SERINC3: variants seen among roughly 807,000 people sequenced by gnomAD.
SERINC3 encodes serine incorporator 3, also known as tumor differentially expressed protein 1.
In SERINC3, 22 loss-of-function variants were observed where a neutral mutation model predicts 52.1. The observed-to-expected ratio is 0.42, with a 90% CI of 0.30 to 0.60. The LOEUF is 0.60. SERINC3 is among the 20% of genes least tolerant of loss of function. The probability of loss-of-function intolerance (pLI) is 0.16; values close to 1 mark genes in which losing one functional copy is unlikely to be tolerated. For missense variants in SERINC3, 564 were observed against 584.6 expected (o/e 0.96, Z 0.36); for synonymous variants, 226 against 212.7 (o/e 1.06, Z -0.54).
downstream of SERINC3, among the ~76,000 whole-genome samples, chr20:44,497,033 G>A (rs1013056961): frequency 1.1e-4 from 16 of 152,106 alleles, no homozygotes; most frequent in African/African-American, 3.1e-4. Context: ...CGGCTTTAAC[G>A]AGGTAAAAGT....
chr20:44,505,612 C>T (rs761921796), intron 6 of SERINC3, among the ~76,000 whole-genome samples: 3 of 145,998 alleles, frequency 2.1e-5, no homozygotes, highest in Non-Finnish European at 4.5e-5. Context: ...TGAGCCATCA[C>T]GCCAAGCTGG....
intron 1 of SERINC3, among the ~76,000 whole-genome samples, chr20:44,517,031 G>A (rs1351619950): frequency 6.6e-6 from 1 of 152,096 alleles, no homozygotes; most frequent in Non-Finnish European, 1.5e-5. Context: ...TTTTATAGAT[G>A]GTATCTTGTG....
intron 1 of SERINC3, 29 bp downstream of exon 1, chr20:44,521,884 C>T: frequency 6.3e-7 from 1 of 1,598,704 alleles, no homozygotes; most frequent in Non-Finnish European, 8.5e-7. Context: ...AACCGCAGGT[C>T]CGGCGAGGAC....
rs528653387 is a variant in SERINC3 at position 44,502,034 on chromosome 20, G to C, written c.1056-734C>G. Among the ~76,000 whole-genome samples the C allele has an allele frequency of 2.0e-5, 3 of 152,288 alleles. No homozygotes were observed. In the South Asian group the frequency reaches 6.2e-4, roughly 32 times the overall value. ...CAGAGCTAACATCATACTTAACAGT[G>C]AAAGACTAAAAACTTTCCCCCTGAG... On this transcript the variant is annotated intron_variant, in intron 8 of 9. Transcript: ENST00000342374.
chr20:44,513,070 G>A (rs2064358709), intron 2 of SERINC3, 76 bp from the exon 3 acceptor site: 1 of 1,030,698 alleles, frequency 9.7e-7, no homozygotes, highest in African/African-American at 1.7e-5. Flanking sequence ...AGGAAAGCCT[G>A]GATTTAGAAA....
chr20:44,512,030 C>T (rs993917866), intron 3 of SERINC3, among the ~76,000 whole-genome samples: 9 of 152,074 alleles, frequency 5.9e-5, no homozygotes, highest in African/African-American at 1.9e-4. Context: ...ATTAGAAATA[C>T]GGCTGGGCAC....
chr20:44,502,622 T>A (rs1028873135), intron 8 of SERINC3, among the ~76,000 whole-genome samples: 3 of 151,744 alleles, frequency 2.0e-5, no homozygotes, highest in African/African-American at 4.8e-5. Context: ...ATCAATTGTA[T>A]TTCTTTTTGA....
Position 44,500,396 on chromosome 20 carries a change from G to A in SERINC3, c.1322C>T (p.Pro441Leu), listed in dbSNP as rs769296896. The A allele has an allele frequency of 3.8e-6, 6 of 1,588,040 alleles. No homozygotes were observed. The highest frequency in any genetic ancestry group is 4.5e-5 in the East Asian group (2 of 44,202). Residue 441 changes from proline to leucine, a missense_variant, in exon 10 of 10, where the codon CCA (proline) becomes CTA (leucine). Transcript: ENST00000342374. ...GGAGCTGATCTTGACCCACACAGCT[G>A]GCCACTTGCTGGTCATGCTCTGAAA... ...AKFQSMTSKW[P>L]AVWVKISSSW...
At chr20:44,517,371 C>T (rs1385353626) in intron 1 of SERINC3, among the ~76,000 whole-genome samples, 1 of 152,132 alleles carries the variant, frequency 6.6e-6, no homozygotes, top group Non-Finnish European at 1.5e-5. Context: ...AGTCCTAATG[C>T]CCAATTCCTC....
intron 1 of SERINC3, among the ~76,000 whole-genome samples, chr20:44,519,810 A>G (rs940071492): frequency 4.6e-5 from 7 of 152,086 alleles, no homozygotes; most frequent in Non-Finnish European, 1.0e-4. Flanking sequence ...AAAGAAAAAT[A>G]GTAGAAAGAG....
chr20:44,518,318 CAAAAAA>C (rs3091899), intron 1 of SERINC3, among the ~76,000 whole-genome samples: 1 of 87,540 alleles, frequency 1.1e-5, no homozygotes, highest in Admixed American at 1.3e-4. Flanking sequence ...AAATTAGCCT[CAAAAAA>C]AAAAAAAAAA....
intron 8 of SERINC3, among the ~76,000 whole-genome samples, chr20:44,502,366 CGCCAGAGGACAGGAG>C (rs1378547544): frequency 1.3e-5 from 2 of 152,046 alleles, no homozygotes; most frequent in Non-Finnish European, 2.9e-5. Flanking sequence ...GTGGGAGGAT[CGCCAGAGGACAGGAG>C]CTCAAGACTG....
At position 44,500,445 on chromosome 20, in the gene SERINC3, AAG is replaced by A. The variant is rs760863823; in HGVS notation, c.1284-13_1284-12del. On this transcript the variant is annotated splice_polypyrimidine_tract_variant and intron_variant, in intron 9 of 9. Transcript: ENST00000342374. ...AACTTTGCATCAGGGCTAAGAAAACAAGAGAGAGTCAGGTAGAAAAGCCTGGT... is the reference window on the plus strand; with the variant it reads ...AACTTTGCATCAGGGCTAAGAAAACAAGAGAGTCAGGTAGAAAAGCCTGGT... The A allele has an allele frequency of 6.4e-6, 10 of 1,556,556 alleles. No individual in the cohort carries two copies. Among genetic ancestry groups the A allele is most frequent in the South Asian group, 5.9e-5 (5 of 84,408 alleles).
At chr20:44,510,070 T>G (rs201200655) in intron 4 of SERINC3, 42 bp from the exon 5 acceptor site, 2 of 1,591,606 alleles carry the variant, frequency 1.3e-6, no homozygotes, top group East Asian at 4.5e-5. Flanking sequence ...TACCATAGAG[T>G]AACATTTCAG....
chr20:44,514,059 G>A lies in SERINC3; in HGVS notation c.40-19C>T, dbSNP rs2064365281. The A allele has an allele frequency of 6.2e-7, 1 of 1,612,066 alleles. No homozygotes were observed. The highest frequency in any genetic ancestry group is 8.5e-7 in the Non-Finnish European group (1 of 1,179,034). ...ATGGAACCTGGAATGAGCACACCAT[G>A]GTCACCTGAGACCGCCTTCAGTATA... is the stretch of plus-strand genomic sequence containing the variant. On this transcript the variant is annotated intron_variant, in intron 1 of 9. Transcript: ENST00000342374.
At chr20:44,516,688 G>A (rs568812184) in intron 1 of SERINC3, among the ~76,000 whole-genome samples, 7 of 152,132 alleles carry the variant, frequency 4.6e-5, no homozygotes, top group South Asian at 2.1e-4. Context: ...CAATGCACCC[G>A]GCCTTTGTTT....
In SERINC3 at chr20:44,513,517, TAGGA is replaced by T. The variant is rs2064361167; in HGVS notation, c.201+358_201+361del. 3.3e-5 allele frequency among the ~76,000 whole-genome samples: 5 copies of T among 152,330 alleles called. No homozygotes were observed. In the South Asian group the frequency reaches 1.0e-3, roughly 32 times the overall value. On this transcript the variant is annotated intron_variant, in intron 2 of 9. Transcript: ENST00000342374. Reference sequence around the variant, plus strand: ...ATATGGTCTCTCTTCTTTGCCCTTTTAGGATGAAGAGGCTGTGTGCCACTTTCCT... The same window carrying T: ...ATATGGTCTCTCTTCTTTGCCCTTTTTGAAGAGGCTGTGTGCCACTTTCCT...
In SERINC3 at chr20:44,513,781, T is replaced by C; in HGVS notation, c.201+98A>G. 2.7e-6 allele frequency: 3 copies of C among 1,097,926 alleles called. No individual in the cohort carries two copies. In the South Asian group the frequency reaches 5.7e-5, roughly 21 times the overall value. 68.0% of individuals were successfully genotyped at this position (1,097,926 alleles called of 1,614,324 possible). A position where few individuals can be genotyped will look rare whatever the true frequency, so the allele number is the denominator to read the frequency against. On this transcript the variant is annotated intron_variant, in intron 2 of 9. Transcript: ENST00000342374. ...CCATATAAGTAAAAAATCTCCAAAT[T>C]ACAACCAACTTGATTAACAACGACG...
At chr20:44,507,729 C>A (rs1384986743) in intron 5 of SERINC3, among the ~76,000 whole-genome samples, 1 of 152,150 alleles carries the variant, frequency 6.6e-6, no homozygotes, top group Non-Finnish European at 1.5e-5. Context: ...ATCAGCCAGG[C>A]ATGGTGGCAT....
Sources: gnomAD v4.1 joint callset for allele counts (sites outside exome capture counted in the v4.1 genomes callset) on GRCh38, gnomAD v4.1.1 for gene constraint, MANE v1.5 for transcripts, NCBI Gene and HGNC (gene_info 2026-07-23, HGNC 2026-07-21) for gene names.